Variants in GSAP observed in about 807,000 individuals in gnomAD.
The protein encoded by GSAP is gamma-secretase-activating protein.
GSAP carries 118 observed loss-of-function variants against 131.7 expected under a neutral mutation model. The ratio of observed to expected loss-of-function variants is 0.90; its 90% CI spans 0.77 to 1.04. The LOEUF (loss-of-function observed/expected upper bound fraction) is 1.04, where lower values mean the gene tolerates loss of function less well. Ranked by LOEUF, GSAP falls within the 50% of genes least tolerant of loss-of-function variation. The pLI is 0.00. For missense variants in GSAP, 1,019 were observed against 1,013.2 expected (o/e 1.01, Z -0.08); for synonymous variants, 381 against 363.4 (o/e 1.05, Z -0.55).
At position 77,377,400 on chromosome 7, in the gene GSAP, C is replaced by CAAA. The variant is rs56314229; in HGVS notation, c.577-13_577-11dup. ...CAGAATTTTTAATCACCTAAAAATG[C>CAAA]AAAAAAAAAAAAAAAAAAAAAAGTA... On this transcript the variant is annotated splice_polypyrimidine_tract_variant and intron_variant, in intron 8 of 30. Transcript: ENST00000257626. The CAAA allele has an allele frequency of 5.4e-4, 645 of 1,183,952 alleles. 1 individual carries two copies. Among genetic ancestry groups the CAAA allele is most frequent in the East Asian group, 4.0e-3 (109 of 27,122 alleles). 73.3% of individuals were successfully genotyped at this position (1,183,952 alleles called of 1,614,324 possible).
At chr7:77,345,621 G>A (rs1239963754) in intron 19 of GSAP, among the ~76,000 whole-genome samples, 1 of 152,084 alleles carries the variant, frequency 6.6e-6, no homozygotes, top group African/African-American at 2.4e-5. Flanking sequence ...TCTTAACTGA[G>A]CGATTAACCT....
rs983996267 is a variant in GSAP at position 77,397,408 on chromosome 7, T to C, written c.251A>G (p.Tyr84Cys). Residue 84 changes from tyrosine to cysteine, a missense_variant, in exon 4 of 31, where the codon TAT becomes TGT. Transcript: ENST00000257626. ...DCQTRQNELL[Y>C]TFEKDLQVFS... ...AACTTGCAAGTCTTTCTCAAAGGTA[T>C]ATAGAAGCTATTAAAACAAAAATAT... 2.6e-6 allele frequency: 4 copies of C among 1,563,716 alleles called. No homozygotes were observed. Among genetic ancestry groups the C allele is most frequent in the African/African-American group, 2.7e-5 (2 of 73,456 alleles).
intron 1 of GSAP, among the ~76,000 whole-genome samples, chr7:77,411,935 T>C (rs918861285): frequency 6.6e-6 from 1 of 152,218 alleles, no homozygotes; most frequent in Non-Finnish European, 1.5e-5. Context: ...TCCCAGCACT[T>C]TGGGAGGCCG....
intron 12 of GSAP, among the ~76,000 whole-genome samples, chr7:77,369,752 G>A (rs536899877): frequency 6.6e-6 from 1 of 152,074 alleles, no homozygotes; most frequent in East Asian, 1.9e-4. Flanking sequence ...ATCCTATTTT[G>A]CTGGAATAGA....
At chr7:77,343,800 C>T (rs1457216836) in intron 19 of GSAP, among the ~76,000 whole-genome samples, 2 of 152,138 alleles carry the variant, frequency 1.3e-5, no homozygotes, top group Admixed American at 6.5e-5. Context: ...TCTATTCTGT[C>T]ATCATTTCAT....
intron 21 of GSAP, 25 bp from the exon 22 acceptor site, chr7:77,328,662 TCA>T (rs1788663387): frequency 1.4e-6 from 2 of 1,405,554 alleles, no homozygotes; most frequent in African/African-American, 1.4e-5. Flanking sequence ...GCCATGTTAT[TCA>T]CAGACAGCAT....
intron 19 of GSAP, chr7:77,330,642 A>G (rs1013244036): frequency 1.5e-5 from 16 of 1,039,192 alleles, no homozygotes; most frequent in Non-Finnish European, 1.9e-5. Flanking sequence ...ACTTCCCAAA[A>G]CCAACAGGAC....
At chr7:77,328,398 C>T (rs1199568786) in intron 22 of GSAP, 1 of 1,285,500 alleles carries the variant, frequency 7.8e-7, no homozygotes, top group African/African-American at 1.5e-5. Context: ...CGCAAAAGCA[C>T]ATTCAGCAGC....
In GSAP at chr7:77,406,113, G is replaced by T; in HGVS notation, c.110-8C>A. The stretch of plus-strand genomic sequence containing the variant: ...AATCGTTTTCTAAAACATCTGAAAT[G>T]ATAATAGGAGGTTAATACTCAGCAG... On this transcript the variant is annotated splice_polypyrimidine_tract_variant and splice_region_variant and intron_variant, in intron 1 of 30. Coordinates refer to ENST00000257626, the MANE Select transcript of GSAP (RefSeq NM_017439.4). 1 of 1,259,384 alleles carries T rather than the reference G, an allele frequency of 7.9e-7. No individual in the cohort carries two copies. The highest frequency in any genetic ancestry group is 1.6e-5 in the South Asian group (1 of 63,602). The allele number at this position is 1,259,384 out of a possible 1,614,324, so 78.0% of individuals were successfully genotyped here.
At chr7:77,369,579 C>G (rs1315124150) in intron 12 of GSAP, among the ~76,000 whole-genome samples, 1 of 152,214 alleles carries the variant, frequency 6.6e-6, no homozygotes, top group Non-Finnish European at 1.5e-5. Context: ...ATTATTATAT[C>G]ATCATCATTA....
chr7:77,330,650 G>C (rs1317599585), intron 19 of GSAP: 4 of 1,032,534 alleles, frequency 3.9e-6, no homozygotes, highest in Non-Finnish European at 4.6e-6. Context: ...AAACCAACAG[G>C]ACTTCCCCAG....
In GSAP at chr7:77,311,382, G is replaced by A; in HGVS notation, c.2541C>T (p.His847=). 1 of 1,608,608 alleles carries A rather than the reference G, an allele frequency of 6.2e-7. No homozygotes were observed. Among genetic ancestry groups the A allele is most frequent in the Non-Finnish European group, 8.5e-7 (1 of 1,175,064 alleles). The change falls in exon 31 of 31, where the codon CAC becomes CAT. Residue 847 remains histidine, a synonymous_variant. Coordinates refer to ENST00000257626, the MANE Select transcript of GSAP (RefSeq NM_017439.4). Reference sequence around the variant, plus strand: ...TTCATAAGCCTAAAAGCATCGCGGTGTGTTTCAGAGCTGCTTCCTCTACAA... The same window carrying A: ...TTCATAAGCCTAAAAGCATCGCGGTATGTTTCAGAGCTGCTTCCTCTACAA... ...AEFVEEAALK[H]TAMLLGL
At chr7:77,323,316 T>C (rs935049886) in intron 24 of GSAP, among the ~76,000 whole-genome samples, 2 of 152,190 alleles carry the variant, frequency 1.3e-5, no homozygotes, top group African/African-American at 4.8e-5. Flanking sequence ...TAAACCTCCA[T>C]GTACAGAAAT....
chr7:77,358,953 G>A lies in GSAP; in HGVS notation c.1027+1871C>T, dbSNP rs918684671. Reference sequence around the variant, plus strand: ...TGTAATCCCAGCACTTTGGAAGGCCGAGGCAGGTGGATCACGAGGTCAGGA... The same window carrying A: ...TGTAATCCCAGCACTTTGGAAGGCCAAGGCAGGTGGATCACGAGGTCAGGA... On this transcript the variant is annotated intron_variant, in intron 14 of 30. Transcript: ENST00000257626. Among the ~76,000 whole-genome samples, 21 of 152,198 alleles carry A rather than the reference G, an allele frequency of 1.4e-4. 1 individual carries two copies. Among genetic ancestry groups the A allele is most frequent in the African/African-American group, 4.1e-4 (17 of 41,436 alleles).
At position 77,313,512 on chromosome 7, in the gene GSAP, G is replaced by A; in HGVS notation, c.2247C>T (p.Phe749=). ...CCGGAGGAAGCCGCACAATGATACT[G>A]AATTTCAGTTTTTCATTTTTCTCTG... The part of the protein sequence containing the change: ...DNTEKNEKLK[F]SIIVRLPPLI... The change falls in exon 28 of 31, where the codon TTC becomes TTT. Residue 749 remains phenylalanine (F), a synonymous_variant. Transcript: ENST00000257626. 1 of 1,573,640 alleles carries A rather than the reference G, an allele frequency of 6.4e-7. No homozygotes were observed. The highest frequency in any genetic ancestry group is 8.7e-7 in the Non-Finnish European group (1 of 1,144,314).
chr7:77,377,336 A>G lies in GSAP; in HGVS notation c.631T>C (p.Trp211Arg). Residue 211 changes from tryptophan (W) to arginine (R), a missense_variant, in exon 9 of 31, where the codon TGG becomes CGG. Trp to Arg is a moderately radical substitution (Grantham distance 101). Coordinates refer to ENST00000257626, the MANE Select transcript of GSAP (RefSeq NM_017439.4). ...TGTTCTGACATATCCCACTGAGCCC[A>G]AACGAAATCCTCAGCTATTCTGTCT... ...PRDRIAEDFV[W>R]AQWDMSEQRL... is the part of the protein sequence containing the mutation. 2 of 1,594,090 alleles carry G rather than the reference A, an allele frequency of 1.3e-6. No homozygotes were observed. The highest frequency in any genetic ancestry group is 1.7e-6 in the Non-Finnish European group (2 of 1,171,394).
intron 5 of GSAP, among the ~76,000 whole-genome samples, 154 bp downstream of exon 5, chr7:77,396,828 A>G (rs1003931245): frequency 6.6e-6 from 1 of 152,040 alleles, no homozygotes; most frequent in African/African-American, 2.4e-5. Flanking sequence ...ATTTTTTTTA[A>G]GTCTTTTTCA....
At chr7:77,383,466 T>C (rs552997508) in intron 6 of GSAP, among the ~76,000 whole-genome samples, 46 of 152,232 alleles carry the variant, frequency 3.0e-4, no homozygotes, top group African/African-American at 9.6e-4. Context: ...ATAACCAGAA[T>C]TTGTCAAGAA....
At position 77,326,253 on chromosome 7, in the gene GSAP, G is replaced by A; in HGVS notation, c.1786C>T (p.Leu596=). The A allele has an allele frequency of 6.2e-7, 1 of 1,613,162 alleles. No homozygotes were observed. Among genetic ancestry groups the A allele is most frequent in the Non-Finnish European group, 8.5e-7 (1 of 1,179,416 alleles). ...CGCTGGTGGCTGTCTTCCTCCTGCA[G>A]GAGGGGTGTTAATCTTGGCCCTGAA... ...RNLGPRLTPL[L]QEEDSHQRLL... The change falls in exon 23 of 31, where the codon CTG becomes TTG. Residue 596 remains leucine (L), a synonymous_variant. Transcript: ENST00000257626.
Sources: allele counts gnomAD v4.1 joint callset (sites outside exome capture counted in the v4.1 genomes callset), GRCh38; gene constraint gnomAD v4.1.1; transcripts MANE v1.5; gene names NCBI Gene and HGNC (gene_info 2026-07-23, HGNC 2026-07-21).